LOC128462377: variants seen among roughly 807,000 people sequenced by gnomAD.
the LOC128462377 span, among the ~76,000 whole-genome samples, chr16:89,330,904 C>A: frequency 4.6e-5 from 7 of 152,080 alleles, no homozygotes; most frequent in African/African-American, 1.7e-4. Context: ...CTAGTTAGTG[C>A]CATATGCCCT....
At chr16:89,376,883 T>A in the LOC128462377 span, among the ~76,000 whole-genome samples, 2 of 152,218 alleles carry the variant, frequency 1.3e-5, no homozygotes, top group Non-Finnish European at 2.9e-5. Flanking sequence ...TTTGTGCAAA[T>A]GCAGTAGGGT....
At chr16:89,399,740 G>A in the LOC128462377 span, among the ~76,000 whole-genome samples, 2 of 152,178 alleles carry the variant, frequency 1.3e-5, no homozygotes, top group African/African-American at 2.4e-5. Flanking sequence ...CCAGGGGTGC[G>A]GGGGAACCCT....
At chr16:89,344,764 G>A in the LOC128462377 span, among the ~76,000 whole-genome samples, 2 of 151,512 alleles carry the variant, frequency 1.3e-5, no homozygotes, top group Admixed American at 6.6e-5. Flanking sequence ...CGGGAGCACA[G>A]CGGAGGGCCA....
the LOC128462377 span, chr16:89,324,678 C>A: frequency 2.8e-6 from 1 of 360,476 alleles, no homozygotes; most frequent in Admixed American, 3.6e-5. Context: ...ATACTTCCTG[C>A]CCTCGAACAT....
the LOC128462377 span, among the ~76,000 whole-genome samples, chr16:89,407,488 T>A: frequency 6.6e-6 from 1 of 151,954 alleles, no homozygotes; most frequent in Non-Finnish European, 1.5e-5. Context: ...GTTCGCCTCG[T>A]CAGGGCTGTT....
At chr16:89,393,421 TCAAGCAATTCTCCCACCTCAGTC>T in the LOC128462377 span, among the ~76,000 whole-genome samples, 1 of 151,348 alleles carries the variant, frequency 6.6e-6, no homozygotes, top group African/African-American at 2.4e-5. Context: ...CCTCCTGAGT[TCAAGCAATTCTCCCACCTCAGTC>T]CCCCATGTAG....
chr16:89,344,040 C>A, the LOC128462377 span, among the ~76,000 whole-genome samples: 2 of 152,192 alleles, frequency 1.3e-5, no homozygotes, highest in Non-Finnish European at 2.9e-5. Flanking sequence ...ACTCCTCAAG[C>A]CCGGCCCCGC....
the LOC128462377 span, among the ~76,000 whole-genome samples, chr16:89,368,371 GTTTTTTTTTTTTTTT>G: frequency 2.5e-4 from 14 of 56,596 alleles, no homozygotes; most frequent in South Asian, 8.6e-4. Context: ...TAATTTTTGT[GTTTTTTTTTTTTTTT>G]TTTTTTTTTT....
chr16:89,372,020 T>C, the LOC128462377 span, among the ~76,000 whole-genome samples: 3 of 152,132 alleles, frequency 2.0e-5, no homozygotes, highest in African/African-American at 4.8e-5. Context: ...GCCAAGAACA[T>C]GGTGAAGCCA....
At chr16:89,328,237 G>A in the LOC128462377 span, among the ~76,000 whole-genome samples, 1 of 152,166 alleles carries the variant, frequency 6.6e-6, no homozygotes, top group African/African-American at 2.4e-5. Flanking sequence ...GAACTCTCTC[G>A]CTTGCTGTGG....
chr16:89,417,076 T>C, the LOC128462377 span, among the ~76,000 whole-genome samples: 2 of 152,194 alleles, frequency 1.3e-5, no homozygotes, highest in Non-Finnish European at 2.9e-5. Flanking sequence ...ATTCTAGACC[T>C]ATTTTCAAGG....
At chr16:89,386,266 A>AATC in the LOC128462377 span, among the ~76,000 whole-genome samples, 8 of 152,342 alleles carry the variant, frequency 5.3e-5, no homozygotes, top group African/African-American at 1.7e-4. Flanking sequence ...CCATGTTAAA[A>AATC]ATCAGTCACT....
the LOC128462377 span, among the ~76,000 whole-genome samples, chr16:89,346,869 A>C: frequency 3.3e-5 from 5 of 152,252 alleles, no homozygotes; most frequent in Non-Finnish European, 7.3e-5. Context: ...CAAAAAGCAA[A>C]CATGTAACAG....
the LOC128462377 span, among the ~76,000 whole-genome samples, chr16:89,317,235 G>A: frequency 3.8e-3 from 582 of 152,336 alleles, 2 homozygotes; most frequent in African/African-American, 0.014. Context: ...GACTTCTCAG[G>A]ATACGCCTCC....
the LOC128462377 span, among the ~76,000 whole-genome samples, chr16:89,376,800 A>C: frequency 1.3e-5 from 2 of 152,226 alleles, no homozygotes; most frequent in East Asian, 3.8e-4. Flanking sequence ...AAATCCTGTA[A>C]GAACATTTGT....
At chr16:89,363,681 G>A in the LOC128462377 span, among the ~76,000 whole-genome samples, 5 of 152,166 alleles carry the variant, frequency 3.3e-5, no homozygotes, top group African/African-American at 1.2e-4. Flanking sequence ...TGCTTCCCGT[G>A]TATGTGGCCC....
chr16:89,343,549 G>C, the LOC128462377 span: 1 of 152,258 alleles, frequency 6.6e-6, no homozygotes, highest in Non-Finnish European at 1.5e-5. Flanking sequence ...AGGCATGTGA[G>C]GGTGCACGCG....
At chr16:89,322,344 T>C in the LOC128462377 span, among the ~76,000 whole-genome samples, 1 of 152,198 alleles carries the variant, frequency 6.6e-6, no homozygotes, top group Admixed American at 6.5e-5. Context: ...GAACAGGCCT[T>C]TACGTACGTC....
chr16:89,401,038 C>T, the LOC128462377 span, among the ~76,000 whole-genome samples: 6 of 152,334 alleles, frequency 3.9e-5, no homozygotes, highest in Non-Finnish European at 8.8e-5. Flanking sequence ...GACAAATCCA[C>T]AACACGCTGG....
Sources: gnomAD v4.1 joint callset for allele counts (sites outside exome capture counted in the v4.1 genomes callset) on GRCh38, gnomAD v4.1.1 for gene constraint, MANE v1.5 for transcripts.